The following KCNQ5 variants were observed in gnomAD, a reference collection of about 807,000 sequenced individuals.
The protein encoded by KCNQ5 is potassium voltage-gated channel subfamily KQT member 5.
Under a neutral mutation model 98.2 loss-of-function variants are expected in KCNQ5, and 30 were observed. The ratio of observed to expected loss-of-function variants is 0.31; its 90% CI spans 0.23 to 0.41. The LOEUF (loss-of-function observed/expected upper bound fraction) is 0.41, where lower values mean the gene tolerates loss of function less well. KCNQ5 is among the 10% of genes least tolerant of loss of function. The pLI, the probability that KCNQ5 is intolerant of heterozygous loss-of-function variation, is 1.00. For synonymous variants in KCNQ5, 458 were observed against 449.4 expected (o/e 1.02, Z -0.24); for missense variants, 835 against 1,182.5 (o/e 0.71, Z 4.31).
intron 2 of KCNQ5, among the ~76,000 whole-genome samples, chr6:73,037,335 A>G (rs1377126342): frequency 6.6e-6 from 1 of 152,110 alleles, no homozygotes; most frequent in Non-Finnish European, 1.5e-5. Context: ...CATCCTTAGT[A>G]CCTGGGCTCT....
At chr6:72,987,793 A>T (rs1201618455) in intron 1 of KCNQ5, 2 of 421,072 alleles carry the variant, frequency 4.7e-6, no homozygotes, top group African/African-American at 4.1e-5. Context: ...AATTGCTTTG[A>T]TTATCCCATT....
intron 1 of KCNQ5, among the ~76,000 whole-genome samples, chr6:72,948,828 A>G (rs1440006515): frequency 6.6e-6 from 1 of 152,176 alleles, no homozygotes; most frequent in Non-Finnish European, 1.5e-5. Context: ...TGATGTTGAC[A>G]ATATTATCTC....
intron 10 of KCNQ5, among the ~76,000 whole-genome samples, chr6:73,143,857 A>G (rs1776816183): frequency 6.6e-6 from 1 of 152,222 alleles, no homozygotes; most frequent in Non-Finnish European, 1.5e-5. Context: ...GTTTTCAGAA[A>G]TAACCTGTGG....
intron 10 of KCNQ5, chr6:73,157,535 C>A: frequency 1.4e-6 from 1 of 735,754 alleles, no homozygotes; most frequent in Non-Finnish European, 2.5e-6. Flanking sequence ...ACTGACGATA[C>A]TTCCATCCTT....
intron 1 of KCNQ5, among the ~76,000 whole-genome samples, chr6:72,927,130 C>A (rs925426590): frequency 2.0e-5 from 3 of 152,132 alleles, no homozygotes; most frequent in African/African-American, 7.2e-5. Flanking sequence ...AACTGGCTAA[C>A]TTTGGGCCCA....
At chr6:72,907,850 G>A (rs920575329) in intron 1 of KCNQ5, among the ~76,000 whole-genome samples, 7 of 151,974 alleles carry the variant, frequency 4.6e-5, no homozygotes, top group Non-Finnish European at 8.8e-5. Flanking sequence ...TTTTTTTAAT[G>A]AGAAGGAGGT....
intron 1 of KCNQ5, among the ~76,000 whole-genome samples, chr6:72,983,680 T>A (rs1033043997): frequency 3.3e-5 from 5 of 152,202 alleles, no homozygotes; most frequent in Admixed American, 3.3e-4. Context: ...TCTGCCAACT[T>A]GTCAAAGTCA....
chr6:72,699,840 T>C lies in KCNQ5; in HGVS notation c.398+77253T>C, dbSNP rs1398363456. On this transcript the variant is annotated intron_variant, in intron 1 of 13. Coordinates refer to ENST00000370398, the MANE Select transcript of KCNQ5 (RefSeq NM_019842.4). ...GAGTACTGTTCATTACTTAGACTGTTAAATTAAACTTCTGTGAGCAAAACA... is the reference window on the plus strand; with the variant it reads ...GAGTACTGTTCATTACTTAGACTGTCAAATTAAACTTCTGTGAGCAAAACA... Among the ~76,000 whole-genome samples the C allele has an allele frequency of 2.0e-5, 3 of 152,208 alleles. No homozygotes were observed. In the South Asian group the frequency reaches 6.2e-4, roughly 31 times the overall value.
At chr6:72,995,841 G>A (rs949043512) in intron 1 of KCNQ5, among the ~76,000 whole-genome samples, 14 of 152,082 alleles carry the variant, frequency 9.2e-5, no homozygotes, top group Non-Finnish European at 1.8e-4. Context: ...TTGAATCAAT[G>A]GCGTCATTTA....
intron 1 of KCNQ5, among the ~76,000 whole-genome samples, chr6:72,629,127 A>G (rs2154471493): frequency 1.3e-5 from 2 of 152,324 alleles, no homozygotes; most frequent in Non-Finnish European, 1.5e-5. Flanking sequence ...CCAGATCTCC[A>G]AAATACACTA....
intron 10 of KCNQ5, chr6:73,136,862 T>C (rs1310393138): frequency 2.6e-5 from 4 of 152,218 alleles, no homozygotes; most frequent in East Asian, 3.8e-4. Flanking sequence ...TAGAAAATAA[T>C]ATATAACACT....
rs758127776 is a variant in KCNQ5 at position 73,194,950 on chromosome 6, G to A, written c.2335G>A (p.Asp779Asn). 3 of 1,614,172 alleles carry A rather than the reference G, an allele frequency of 1.9e-6. No individual in the cohort carries two copies. The highest frequency in any genetic ancestry group is 2.2e-5 in the South Asian group (2 of 91,082). The change falls in exon 14 of 14, where the codon GAC becomes AAC. Residue 779 changes from aspartate (D) to asparagine (N), a missense_variant. Around this residue, in one of 10 missense-constraint regions of KCNQ5, gnomAD observed 416 missense variants for 446.9 expected, o/e 0.93. Coordinates refer to ENST00000370398, the MANE Select transcript of KCNQ5 (RefSeq NM_019842.4). ...TGCAGGCTTACAGGAAAGCATTTCT[G>A]ACGTCACCACCTGCCTTGTTGCCTC... ...NPAGLQESISDVTTCLVASKE... is the reference protein window; with the variant it reads ...NPAGLQESISNVTTCLVASKE...
chr6:73,183,444 T>G (rs1274877236), intron 11 of KCNQ5, among the ~76,000 whole-genome samples: 1 of 152,282 alleles, frequency 6.6e-6, no homozygotes, highest in African/African-American at 2.4e-5. Context: ...CACTCAACAT[T>G]AAGTTGAAGA....
intron 5 of KCNQ5, among the ~76,000 whole-genome samples, chr6:73,089,698 A>G (rs1260982179): frequency 3.3e-5 from 5 of 152,154 alleles, no homozygotes; most frequent in Admixed American, 6.5e-5. Context: ...ACTTAGAACA[A>G]TAGTCTCCAA....
At chr6:73,060,356 C>T (rs1214614809) in intron 3 of KCNQ5, among the ~76,000 whole-genome samples, 1 of 152,132 alleles carries the variant, frequency 6.6e-6, no homozygotes, top group Non-Finnish European at 1.5e-5. Flanking sequence ...ATTAATTACT[C>T]ATTTGGAAAA....
At chr6:72,632,586 C>G (rs2098921632) in intron 1 of KCNQ5, among the ~76,000 whole-genome samples, 1 of 152,174 alleles carries the variant, frequency 6.6e-6, no homozygotes, top group African/African-American at 2.4e-5. Flanking sequence ...TCTCTTCCTC[C>G]CGCTTCTAGT....
chr6:73,037,376 C>A (rs1261255781), intron 2 of KCNQ5, among the ~76,000 whole-genome samples: 1 of 152,012 alleles, frequency 6.6e-6, no homozygotes, highest in Non-Finnish European at 1.5e-5. Context: ...TTGATGGAGT[C>A]CAATTTCTCA....
At chr6:72,729,058 A>G (rs1466301430) in intron 1 of KCNQ5, among the ~76,000 whole-genome samples, 1 of 152,090 alleles carries the variant, frequency 6.6e-6, no homozygotes, top group African/African-American at 2.4e-5. Context: ...CACTTAATAT[A>G]TATCATAGAT....
chr6:72,911,619 G>A (rs1779944138), intron 1 of KCNQ5, among the ~76,000 whole-genome samples: 1 of 152,098 alleles, frequency 6.6e-6, no homozygotes, highest in Admixed American at 6.6e-5. Context: ...ATGAATAACT[G>A]TTGAGTATGT....
Sources: gnomAD v4.1 joint callset for allele counts (sites outside exome capture counted in the v4.1 genomes callset) on GRCh38, gnomAD v4.1.1 for gene constraint, gnomAD v4.1.1 regional missense constraint, MANE v1.5 for transcripts, NCBI Gene and HGNC (gene_info 2026-07-23, HGNC 2026-07-21) for gene names.